GAS5: variants seen among roughly 807,000 people sequenced by gnomAD.
GAS5 encodes the protein growth arrest specific 5.
intron 7 of GAS5, chr1:173,863,986 C>A (rs1217014124): frequency 6.0e-6 from 2 of 331,504 alleles, no homozygotes; most frequent in Non-Finnish European, 1.2e-5. Context: ...ACAAAGACCA[C>A]TGGGAGGCTG....
At chr1:173,869,026 G>C (rs1655291759), upstream of GAS5, 1 of 152,582 alleles carries the variant, frequency 6.6e-6, no homozygotes, top group South Asian at 2.1e-4. Flanking sequence ...GCTGGTGTAG[G>C]CTCCAAAATA....
At chr1:173,864,617 G>A (rs1654270636) in intron 6 of GAS5, 1 of 379,486 alleles carries the variant, frequency 2.6e-6, no homozygotes, top group East Asian at 7.2e-5. Flanking sequence ...AGATTAAGGT[G>A]TATATGCCAC....
upstream of GAS5, chr1:173,867,366 A>G (rs895863970): frequency 5.5e-6 from 2 of 364,306 alleles, no homozygotes; most frequent in South Asian, 2.7e-5. Flanking sequence ...CTAAAAATAT[A>G]AAAGCCTAGC....
intron 2 of GAS5, chr1:173,866,656 G>A: frequency 1.3e-6 from 1 of 764,560 alleles, no homozygotes; most frequent in Non-Finnish European, 2.4e-6. Flanking sequence ...GATAATGGTG[G>A]TTAAGATCCT....
intron 6 of GAS5, chr1:173,865,440 CAATT>C (rs761834305): frequency 5.4e-5 from 28 of 513,988 alleles, no homozygotes; most frequent in Non-Finnish European, 1.1e-4. Flanking sequence ...GTAGCTCAAT[CAATT>C]AACGTTAACA....
chr1:173,864,899 A>AT (rs1433475444), intron 6 of GAS5: 2 of 518,976 alleles, frequency 3.9e-6, no homozygotes, highest in Admixed American at 3.9e-5. Context: ...TGTTATCATC[A>AT]TTGTATCGGC....
At chr1:173,866,076 C>T (rs1553207557) in intron 4 of GAS5, 1 of 518,820 alleles carries the variant, frequency 1.9e-6, no homozygotes, top group Non-Finnish European at 3.8e-6. Flanking sequence ...AAGAATCCGC[C>T]ATTTATTTAA....
At chr1:173,867,993 G>A (rs772077343), upstream of GAS5, 3 of 324,084 alleles carry the variant, frequency 9.3e-6, no homozygotes, top group South Asian at 4.9e-5. Context: ...CGAAAAGACA[G>A]TATGGTGCCT....
upstream of GAS5, chr1:173,867,278 G>A: frequency 2.0e-6 from 1 of 493,728 alleles, no homozygotes; most frequent in Non-Finnish European, 3.6e-6. Context: ...CCAGTATGTT[G>A]GGGGACCACG....
At chr1:173,866,577 AAC>A in intron 2 of GAS5, 1 of 760,078 alleles carries the variant, frequency 1.3e-6, no homozygotes. Flanking sequence ...CCTGGGAAGA[AAC>A]AACTTCATGT....
At chr1:173,868,071 C>G (rs977668202), upstream of GAS5, 7 of 172,874 alleles carry the variant, frequency 4.0e-5, no homozygotes, top group African/African-American at 1.7e-4. Context: ...TCCGCTTCGG[C>G]TCCTCCCCCT....
Position 173,865,671 on chromosome 1 carries a change from A to G in GAS5, n.200-124T>C, listed in dbSNP as rs770743575. On this transcript the variant is annotated intron_variant and non_coding_transcript_variant, in intron 5 of 7. Coordinates refer to ENST00000651080, the Ensembl canonical transcript of GAS5. ...ATGCTCATTTCAGGTCAGACATTTG[A>G]TCAACATCATTACACAAACCCCGTT... The G allele has an allele frequency of 7.7e-6, 4 of 519,098 alleles. No homozygotes were observed. The East Asian group carries it at 2.2e-4, about 28-fold the overall frequency. The allele number at this position is 519,098 out of a possible 1,614,324, so 32.2% of individuals were successfully genotyped here.
At chr1:173,864,825 G>C (rs750389505) in intron 6 of GAS5, 1 of 519,042 alleles carries the variant, frequency 1.9e-6, no homozygotes, top group Admixed American at 1.9e-5. Flanking sequence ...GAATGTTACC[G>C]CCAGATACAT....
intron 1 of GAS5, chr1:173,866,927 G>T (rs1557874201): frequency 1.3e-6 from 1 of 765,310 alleles, no homozygotes; most frequent in Admixed American, 1.7e-5. Context: ...TACTCTTAAA[G>T]CATCACAGGC....
At chr1:173,866,265 A>C in intron 3 of GAS5, 1 of 504,484 alleles carries the variant, frequency 2.0e-6, no homozygotes, top group East Asian at 5.5e-5. Flanking sequence ...TTGGTGGTAC[A>C]CTGCTTAACC....
intron 6 of GAS5, chr1:173,865,088 A>C: frequency 2.9e-6 from 1 of 348,264 alleles, no homozygotes; most frequent in Admixed American, 4.1e-5. Flanking sequence ...AATCCCAGCT[A>C]CTCAAGAGGC....
chr1:173,867,998 G>A (rs1655092554), upstream of GAS5: 1 of 320,342 alleles, frequency 3.1e-6, no homozygotes, highest in Non-Finnish European at 6.3e-6. Context: ...AGACAGTATG[G>A]TGCCTGGGCT....
intron 4 of GAS5, chr1:173,865,945 T>G (rs774253252): frequency 5.8e-6 from 3 of 519,210 alleles, no homozygotes; most frequent in Non-Finnish European, 1.2e-5. Flanking sequence ...GTTCACCCCC[T>G]GCCAAAACTA....
chr1:173,864,892 TATC>T (rs770933014), intron 6 of GAS5: 25 of 518,954 alleles, frequency 4.8e-5, no homozygotes, highest in Middle Eastern at 3.2e-4. Flanking sequence ...TGAACTATGT[TATC>T]ATCATTGTAT....
Sources: gnomAD v4.1 joint callset for allele counts on GRCh38, gnomAD v4.1.1 for gene constraint, MANE v1.5 for transcripts, NCBI Gene and HGNC (gene_info 2026-07-23, HGNC 2026-07-21) for gene names.